Variants in EFCAB13 observed in about 807,000 individuals in gnomAD.
EFCAB13 encodes EF-hand calcium-binding domain-containing protein 13.
Under a neutral mutation model 110.2 loss-of-function variants are expected in EFCAB13, and 91 were observed. The ratio of observed to expected loss-of-function variants is 0.83; its 90% CI spans 0.70 to 0.98. The LOEUF (loss-of-function observed/expected upper bound fraction) is 0.98, where lower values mean the gene tolerates loss of function less well. EFCAB13 is among the 50% of genes least tolerant of loss of function. The pLI is 0.00. For missense variants in EFCAB13, 968 were observed against 1,119.4 expected (o/e 0.86, Z 1.93); for synonymous variants, 323 against 369.9 (o/e 0.87, Z 1.45).
chr17:47,390,877 A>G (rs1290794261), intron 14 of EFCAB13, among the ~76,000 whole-genome samples: 1 of 151,432 alleles, frequency 6.6e-6, no homozygotes, highest in Non-Finnish European at 1.5e-5. Flanking sequence ...AGACTATAGT[A>G]TAGTAGAATA....
intron 4 of EFCAB13, among the ~76,000 whole-genome samples, chr17:47,334,770 C>T (rs1240193203): frequency 6.6e-6 from 1 of 152,002 alleles, no homozygotes; most frequent in East Asian, 1.9e-4. Context: ...AAAAAATTAG[C>T]CACGCATGAT....
At chr17:47,412,399 C>G (rs2065840850) in intron 21 of EFCAB13, among the ~76,000 whole-genome samples, 1 of 152,192 alleles carries the variant, frequency 6.6e-6, no homozygotes, top group Admixed American at 6.5e-5. Flanking sequence ...ATCTGAGGCC[C>G]TGGGGATCAA....
chr17:47,368,160 A>G (rs1461087814), intron 10 of EFCAB13, among the ~76,000 whole-genome samples: 1 of 152,164 alleles, frequency 6.6e-6, no homozygotes, highest in East Asian at 1.9e-4. Flanking sequence ...AGAAAATATA[A>G]TCTTTTTTTC....
chr17:47,398,224 T>C (rs1365800719), intron 17 of EFCAB13, among the ~76,000 whole-genome samples: 2 of 127,866 alleles, frequency 1.6e-5, no homozygotes, highest in African/African-American at 6.0e-5. Context: ...AGCCGCCCCG[T>C]CCGGGAGGGA....
intron 9 of EFCAB13, among the ~76,000 whole-genome samples, chr17:47,354,675 G>C (rs2065470612): frequency 6.6e-6 from 1 of 152,134 alleles, no homozygotes; most frequent in African/African-American, 2.4e-5. Flanking sequence ...TCTGATACAA[G>C]AATAGCTACT....
intron 15 of EFCAB13, among the ~76,000 whole-genome samples, chr17:47,392,930 A>G (rs2065715767): frequency 1.3e-5 from 2 of 152,204 alleles, no homozygotes; most frequent in African/African-American, 4.8e-5. Context: ...AACACTTACA[A>G]CAGTGATGAT....
At chr17:47,401,606 C>G (rs1295308131) in intron 17 of EFCAB13, among the ~76,000 whole-genome samples, 3 of 149,442 alleles carry the variant, frequency 2.0e-5, no homozygotes, top group South Asian at 4.2e-4. Flanking sequence ...TATATTGTTT[C>G]CATTGATTGA....
At chr17:47,421,432 T>A (rs1178168764) in intron 23 of EFCAB13, among the ~76,000 whole-genome samples, 1 of 151,936 alleles carries the variant, frequency 6.6e-6, no homozygotes, top group Non-Finnish European at 1.5e-5. Flanking sequence ...GAAGGCAGCA[T>A]GCTCCTTAAG....
Position 47,431,297 on chromosome 17 carries a change from A to T in EFCAB13, c.2638+1336A>T, listed in dbSNP as rs1384315898. ...ATCTATTTTTTCTTTGTTTTTTTTT[A>T]ACTCTTTTTTTTCCTTTTTTCAGTC... On this transcript the variant is annotated intron_variant, in intron 24 of 24. Transcript: ENST00000331493. The surrounding 1 kb of genome is among the most constrained non-coding windows in gnomAD (Gnocchi z 4.1). Among the ~76,000 whole-genome samples the T allele has an allele frequency of 6.6e-6, 1 of 150,570 alleles. No homozygotes were observed. The highest frequency in any genetic ancestry group is 1.5e-5 in the Non-Finnish European group (1 of 67,566).
intron 23 of EFCAB13, among the ~76,000 whole-genome samples, chr17:47,426,842 G>C (rs1008068501): frequency 1.3e-5 from 2 of 152,092 alleles, no homozygotes; most frequent in Non-Finnish European, 2.9e-5. Context: ...CACATGAGTG[G>C]TTTGGTCTCA....
intron 17 of EFCAB13, among the ~76,000 whole-genome samples, chr17:47,401,371 T>G (rs1360377783): frequency 1.3e-5 from 2 of 152,210 alleles, no homozygotes; most frequent in Non-Finnish European, 2.9e-5. Flanking sequence ...CCTGTGTTCA[T>G]CACTTTAACT....
intron 5 of EFCAB13, 110 bp from the exon 6 acceptor site, chr17:47,341,811 T>G (rs2063730443): frequency 1.6e-6 from 1 of 630,384 alleles, no homozygotes; most frequent in East Asian, 2.9e-5. Context: ...TGAAACTGGG[T>G]GATGGGATTC....
At chr17:47,386,457 C>T (rs940062901) in intron 14 of EFCAB13, among the ~76,000 whole-genome samples, 3 of 152,110 alleles carry the variant, frequency 2.0e-5, no homozygotes, top group Non-Finnish European at 4.4e-5. Context: ...GGAAAACAAG[C>T]CTCAGTAATG....
At chr17:47,421,641 G>GAAAAAAAAAA (rs375256582) in intron 23 of EFCAB13, among the ~76,000 whole-genome samples, 9 of 129,382 alleles carry the variant, frequency 7.0e-5, no homozygotes, top group African/African-American at 8.7e-5. Flanking sequence ...AAGAAAGAAA[G>GAAAAAAAAAA]AAAAAAAAAA....
intron 10 of EFCAB13, among the ~76,000 whole-genome samples, chr17:47,369,136 C>G (rs1019578945): frequency 1.3e-5 from 2 of 152,182 alleles, no homozygotes; most frequent in Non-Finnish European, 2.9e-5. Context: ...TCTACCACAA[C>G]AGGAATAGCT....
At chr17:47,369,141 A>G (rs1162803013) in intron 10 of EFCAB13, among the ~76,000 whole-genome samples, 1 of 152,230 alleles carries the variant, frequency 6.6e-6, no homozygotes, top group Non-Finnish European at 1.5e-5. Flanking sequence ...CACAACAGGA[A>G]TAGCTTTTGT....
At position 47,394,053 on chromosome 17, in the gene EFCAB13, C is replaced by A. The variant is rs1446633157; in HGVS notation, c.1755C>A (p.Phe585Leu). 1 of 1,551,404 alleles carries A rather than the reference C, an allele frequency of 6.4e-7. No individual in the cohort carries two copies. Among genetic ancestry groups the A allele is most frequent in the Non-Finnish European group, 8.7e-7 (1 of 1,153,576 alleles). Residue 585 changes from phenylalanine (F) to leucine (L), a missense_variant, in exon 16 of 25, where the codon TTC becomes TTA. Coordinates refer to ENST00000331493, the MANE Select transcript of EFCAB13 (RefSeq NM_152347.5). The part of the protein sequence containing the change: ...GETKKVNFKE[F>L]IDTMMSNTEC... ...CAAAAAAAGTGAATTTTAAAGAATT[C>A]ATTGATACTATGATGAGCAACACGG... is the stretch of plus-strand genomic sequence containing the variant.
intron 15 of EFCAB13, among the ~76,000 whole-genome samples, chr17:47,393,182 C>G (rs2065717491): frequency 6.6e-6 from 1 of 152,050 alleles, no homozygotes; most frequent in Non-Finnish European, 1.5e-5. Flanking sequence ...GTAGCCGGGA[C>G]TAAAGGCACA....
chr17:47,438,862 T>C (rs1905259827), intron 24 of EFCAB13, among the ~76,000 whole-genome samples: 1 of 152,166 alleles, frequency 6.6e-6, no homozygotes, highest in South Asian at 2.1e-4. Flanking sequence ...CCAAGCTTTA[T>C]GTAATACTAT....
Sources: allele counts gnomAD v4.1 joint callset (sites outside exome capture counted in the v4.1 genomes callset), GRCh38; gene constraint gnomAD v4.1.1; non-coding constraint Gnocchi (gnomAD v3.1); transcripts MANE v1.5; gene names NCBI Gene and HGNC (gene_info 2026-07-23, HGNC 2026-07-21).